CLVS1: variants seen among roughly 807,000 people sequenced by gnomAD.
CLVS1 encodes clavesin-1.
In CLVS1, 10 loss-of-function variants were observed where a neutral mutation model predicts 33.1. That is an observed-to-expected ratio of 0.30 (90% CI 0.19 to 0.51). The LOEUF is 0.51. Among genes scored for constraint, CLVS1 ranks in the 20% least tolerant of loss-of-function variants. CLVS1 has a pLI of 0.97. For synonymous variants in CLVS1, 163 were observed against 166.1 expected (o/e 0.98, Z 0.14); for missense variants, 343 against 433.4 (o/e 0.79, Z 1.85).
At chr8:61,265,708 T>G (rs1393658333) in intron 2 of CLVS1, among the ~76,000 whole-genome samples, 1 of 152,176 alleles carries the variant, frequency 6.6e-6, no homozygotes, top group Admixed American at 6.5e-5. Context: ...ACTTCCTAAC[T>G]TGTTGCCTGC....
At chr8:61,404,535 CA>C (rs1172426472) in intron 3 of CLVS1, among the ~76,000 whole-genome samples, 2 of 152,056 alleles carry the variant, frequency 1.3e-5, no homozygotes, top group African/African-American at 4.8e-5. Context: ...TAAGAGCTAA[CA>C]TTGCTGGAAA....
At chr8:61,019,331 G>A in the CLVS1 span, among the ~76,000 whole-genome samples, 1 of 152,122 alleles carries the variant, frequency 6.6e-6, no homozygotes, top group Non-Finnish European at 1.5e-5. Context: ...GCACACCTTT[G>A]GTAATGTTTG....
At chr8:61,101,929 T>G (rs1044623436) in intron 1 of CLVS1, among the ~76,000 whole-genome samples, 1 of 152,166 alleles carries the variant, frequency 6.6e-6, no homozygotes, top group Non-Finnish European at 1.5e-5. Context: ...AGGGCTTATT[T>G]CAAGACTCTC....
At chr8:61,452,150 A>G (rs570622248) in intron 3 of CLVS1, among the ~76,000 whole-genome samples, 7 of 152,210 alleles carry the variant, frequency 4.6e-5, no homozygotes, top group African/African-American at 1.4e-4. Flanking sequence ...TTTTCTTTCA[A>G]CCTCCCCTGA....
chr8:61,053,063 G>T (rs1804413252), upstream of CLVS1, among the ~76,000 whole-genome samples: 1 of 152,166 alleles, frequency 6.6e-6, no homozygotes, highest in East Asian at 1.9e-4. Context: ...ATGTTTTTGA[G>T]ATTCTTGGCC....
At chr8:61,263,269 C>G (rs746850758) in intron 2 of CLVS1, among the ~76,000 whole-genome samples, 14 of 152,138 alleles carry the variant, frequency 9.2e-5, no homozygotes, top group Admixed American at 3.9e-4. Context: ...TTTTTTACCC[C>G]CATGCTTTTC....
chr8:61,060,858 TAAC>T (rs1223361846), intron 1 of CLVS1, among the ~76,000 whole-genome samples: 1 of 152,200 alleles, frequency 6.6e-6, no homozygotes, highest in Non-Finnish European at 1.5e-5. Flanking sequence ...CCAGGCCTGA[TAAC>T]AAAATCTGAG....
the CLVS1 span, among the ~76,000 whole-genome samples, chr8:60,969,472 G>A: frequency 0.013 from 1,942 of 152,152 alleles, 40 homozygotes; most frequent in African/African-American, 0.043. Flanking sequence ...TCAGCCTTAC[G>A]ATCTCTGTTT....
intron 2 of CLVS1, among the ~76,000 whole-genome samples, chr8:61,372,873 A>G (rs1249375610): frequency 1.3e-5 from 2 of 152,200 alleles, no homozygotes; most frequent in African/African-American, 4.8e-5. Context: ...TGCCATTTTC[A>G]TCACCTTAGG....
intron 3 of CLVS1, among the ~76,000 whole-genome samples, chr8:61,403,760 C>T (rs1028713442): frequency 6.6e-6 from 1 of 152,110 alleles, no homozygotes; most frequent in Non-Finnish European, 1.5e-5. Flanking sequence ...ATTAAATATT[C>T]CAAGTGGAAG....
intron 3 of CLVS1, among the ~76,000 whole-genome samples, chr8:61,389,758 C>T (rs1026085668): frequency 6.6e-6 from 1 of 152,176 alleles, no homozygotes; most frequent in Non-Finnish European, 1.5e-5. Context: ...ACAAGCATTA[C>T]TGAAGCCAGC....
At chr8:61,005,291 G>C in the CLVS1 span, among the ~76,000 whole-genome samples, 3 of 152,132 alleles carry the variant, frequency 2.0e-5, no homozygotes, top group African/African-American at 7.2e-5. Flanking sequence ...CCATTAAACA[G>C]AGTTATGTCA....
At position 61,261,992 on chromosome 8, in the gene CLVS1, G is replaced by A. The variant is rs200824294; in HGVS notation, c.-151-37685G>A. 1.2e-3 allele frequency among the ~76,000 whole-genome samples: 149 copies of A among 128,414 alleles called. 3 individuals are homozygous for A. Among genetic ancestry groups the A allele is most frequent in the Middle Eastern group, 7.3e-3 (2 of 274 alleles). 84.2% of individuals were successfully genotyped at this position (128,414 alleles called of 152,430 possible). A position where few individuals can be genotyped will look rare whatever the true frequency, so the allele number is the denominator to read the frequency against. ...CATTGCTGCGTGTGTGTGTGTGTGT[G>A]TGTGTGTGTGTGTGTGTGTGTGTGT... is the stretch of plus-strand genomic sequence containing the variant. On this transcript the variant is annotated intron_variant, in intron 2 of 2. Transcript: ENST00000522621.
chr8:61,085,281 A>C (rs1310125850), intron 1 of CLVS1, among the ~76,000 whole-genome samples: 2 of 152,216 alleles, frequency 1.3e-5, no homozygotes, highest in Non-Finnish European at 2.9e-5. Flanking sequence ...TCTTAATGAA[A>C]TAGTACAACA....
At chr8:61,476,433 G>A (rs1221298998) in intron 5 of CLVS1, among the ~76,000 whole-genome samples, 1 of 152,158 alleles carries the variant, frequency 6.6e-6, no homozygotes, top group Non-Finnish European at 1.5e-5. Context: ...CCATGAGCAT[G>A]GAATGTTCTT....
chr8:61,499,364 G>GAA (rs1169899435), intron 5 of CLVS1, 91 bp from the exon 6 acceptor site: 8 of 541,498 alleles, frequency 1.5e-5, no homozygotes, highest in Admixed American at 9.0e-5. Flanking sequence ...CTATTAAAAA[G>GAA]AGAAATATAA....
intron 2 of CLVS1, among the ~76,000 whole-genome samples, chr8:61,306,100 T>A (rs930745789): frequency 7.9e-5 from 12 of 152,196 alleles, no homozygotes; most frequent in African/African-American, 2.7e-4. Flanking sequence ...TTCAGGTCTT[T>A]GAGGAACTGT....
rs896295008 is a variant in CLVS1 at position 61,095,132 on chromosome 8, T to G, written c.-242-36638T>G. ...TATTCATAACATATTTACTGCCAAA[T>G]TTTGAAAGAAGCCACTCTGAGAACT... On this transcript the variant is annotated intron_variant, in intron 1 of 2. Transcript: ENST00000522621. 2.0e-5 allele frequency among the ~76,000 whole-genome samples: 3 copies of G among 152,354 alleles called. No individual in the cohort carries two copies. The East Asian group carries it at 5.8e-4, about 29-fold the overall frequency.
At chr8:61,305,502 G>T (rs986259341) in intron 2 of CLVS1, among the ~76,000 whole-genome samples, 1 of 152,078 alleles carries the variant, frequency 6.6e-6, no homozygotes, top group Non-Finnish European at 1.5e-5. Flanking sequence ...GCAAAGGACA[G>T]AATTCATTCT....
Sources: allele counts gnomAD v4.1 joint callset (sites outside exome capture counted in the v4.1 genomes callset), GRCh38; gene constraint gnomAD v4.1.1; transcripts MANE v1.5; gene names NCBI Gene and HGNC (gene_info 2026-07-23, HGNC 2026-07-21).